The following ZPBP variants were observed in gnomAD, a reference collection of about 807,000 sequenced individuals.
The protein encoded by ZPBP is zona pellucida-binding protein 1.
In ZPBP, 26 loss-of-function variants were observed where a neutral mutation model predicts 44.8. The ratio of observed to expected loss-of-function variants is 0.58; its 90% CI spans 0.43 to 0.81. The LOEUF (loss-of-function observed/expected upper bound fraction) is 0.81, where lower values mean the gene tolerates loss of function less well. ZPBP is among the 30% of genes least tolerant of loss of function. The pLI is 0.00. For missense variants in ZPBP, 409 were observed against 434.0 expected (o/e 0.94, Z 0.51); for synonymous variants, 174 against 153.2 (o/e 1.14, Z -1.00).
chr7:50,046,991 T>C (rs916471665), intron 4 of ZPBP, among the ~76,000 whole-genome samples: 1 of 152,190 alleles, frequency 6.6e-6, no homozygotes, highest in Non-Finnish European at 1.5e-5. Flanking sequence ...TCATGTCCTT[T>C]GCAGGGACAT....
intron 2 of ZPBP, among the ~76,000 whole-genome samples, chr7:50,087,471 A>G (rs1012910135): frequency 1.3e-5 from 2 of 152,024 alleles, no homozygotes; most frequent in East Asian, 3.8e-4. Context: ...CCCTTTCACA[A>G]TAAAAGAACT....
intron 1 of ZPBP, among the ~76,000 whole-genome samples, chr7:49,908,622 C>A (rs1215518688): frequency 6.6e-6 from 1 of 151,126 alleles, no homozygotes; most frequent in Admixed American, 6.6e-5. Flanking sequence ...GAAGGGCCAC[C>A]CCAGTCAGTA....
chr7:49,871,053 A>T (rs554498846), intron 2 of ZPBP, among the ~76,000 whole-genome samples: 1 of 152,356 alleles, frequency 6.6e-6, no homozygotes, highest in Non-Finnish European at 1.5e-5. Flanking sequence ...AATAAATTGG[A>T]GAATTCAACC....
chr7:49,939,889 C>A (rs1794794088), intron 7 of ZPBP, among the ~76,000 whole-genome samples: 1 of 152,092 alleles, frequency 6.6e-6, no homozygotes, highest in South Asian at 2.1e-4. Flanking sequence ...AACTTTCTGC[C>A]TGTACAACTC....
Position 49,937,634 on chromosome 7 carries a change from G to A in ZPBP, c.962-12C>T. 1.9e-6 allele frequency: 3 copies of A among 1,603,482 alleles called. No individual in the cohort carries two copies. The highest frequency in any genetic ancestry group is 1.7e-6 in the Non-Finnish European group (2 of 1,170,512). ...AGGGCTGCAGATCACTGTGAAAAAA[G>A]AGTAAGTTAATAAGTAGTATTTTCC... On this transcript the variant is annotated splice_polypyrimidine_tract_variant and intron_variant, in intron 7 of 7. Coordinates refer to ENST00000046087, the MANE Select transcript of ZPBP (RefSeq NM_007009.3).
chr7:50,038,071 T>A (rs1799901707), intron 4 of ZPBP, among the ~76,000 whole-genome samples: 1 of 152,134 alleles, frequency 6.6e-6, no homozygotes, highest in South Asian at 2.1e-4. Flanking sequence ...CCCCAATTCA[T>A]GGTGTAAGGG....
chr7:50,047,881 G>A (rs745452936), intron 4 of ZPBP, among the ~76,000 whole-genome samples: 6 of 152,128 alleles, frequency 3.9e-5, no homozygotes, highest in Non-Finnish European at 7.4e-5. Flanking sequence ...GGTGGAGTGC[G>A]CGAGGAAGCA....
chr7:50,017,725 AG>A (rs1288765425), intron 6 of ZPBP, among the ~76,000 whole-genome samples: 1 of 152,140 alleles, frequency 6.6e-6, no homozygotes, highest in African/African-American at 2.4e-5. Flanking sequence ...AATTATAATT[AG>A]GCATAGGAAG....
Position 50,010,908 on chromosome 7 carries a change from C to CAAAAAAAAAAAAAAAA in ZPBP, c.783+7316_783+7331dup, listed in dbSNP as rs71554292. 2.1e-4 allele frequency among the ~76,000 whole-genome samples: 19 copies of CAAAAAAAAAAAAAAAA among 92,424 alleles called. 2 individuals are homozygous for CAAAAAAAAAAAAAAAA. Among genetic ancestry groups the CAAAAAAAAAAAAAAAA allele is most frequent in the East Asian group, 7.1e-4 (2 of 2,822 alleles). The allele number at this position is 92,424 out of a possible 152,430, so 60.6% of individuals were successfully genotyped here. A position where few individuals can be genotyped will look rare whatever the true frequency, so the allele number is the denominator to read the frequency against. Reference sequence around the variant, plus strand: ...CCCACATAGCCAAAGCAAGACCAAGCAAAAAAAAAAAAAAAAAAAACAAAT... The same window carrying CAAAAAAAAAAAAAAAA: ...CCCACATAGCCAAAGCAAGACCAAGCAAAAAAAAAAAAAAAAAAAAAAAAAAAAAAAAAAAACAAAT... On this transcript the variant is annotated intron_variant, in intron 6 of 7. Transcript: ENST00000046087.
chr7:50,051,290 C>G (rs1372883355), intron 4 of ZPBP, among the ~76,000 whole-genome samples: 1 of 152,084 alleles, frequency 6.6e-6, no homozygotes, highest in African/African-American at 2.4e-5. Context: ...ATAACAGATG[C>G]TGTCGAGGTT....
chr7:50,051,603 C>T (rs1312847286), intron 4 of ZPBP, among the ~76,000 whole-genome samples: 2 of 152,072 alleles, frequency 1.3e-5, no homozygotes, highest in African/African-American at 4.8e-5. Flanking sequence ...ATGTGATACA[C>T]ATACACCATG....
In ZPBP at chr7:50,004,285, C is replaced by A. The variant is rs1798213510; in HGVS notation, c.783+13955G>T. ...GATGCTTGCCTCCTTTCCTCCTGCC[C>A]TGGGATGTCAAACTCCAGGTTTTTT... is the stretch of plus-strand genomic sequence containing the variant. On this transcript the variant is annotated intron_variant, in intron 6 of 7. Transcript: ENST00000046087. 4.6e-5 allele frequency among the ~76,000 whole-genome samples: 7 copies of A among 152,122 alleles called. No individual in the cohort carries two copies. In the South Asian group the frequency reaches 1.5e-3, roughly 32 times the overall value.
chr7:50,011,064 CTT>C (rs1798553126), intron 6 of ZPBP, among the ~76,000 whole-genome samples: 1 of 152,008 alleles, frequency 6.6e-6, no homozygotes, highest in African/African-American at 2.4e-5. Context: ...AAGCCAAATA[CTT>C]ACAGTCAACT....
At chr7:49,934,053 T>TA (rs11461329), downstream of ZPBP, among the ~76,000 whole-genome samples, 108,175 of 142,826 alleles carry the variant, frequency 0.76, 40,827 homozygotes, top group East Asian at 0.91. Context: ...AAAGTATAAT[T>TA]AAAAAAAAAA....
intron 5 of ZPBP, among the ~76,000 whole-genome samples, chr7:50,022,727 G>A (rs1029836894): frequency 7.9e-5 from 12 of 152,052 alleles, no homozygotes; most frequent in Non-Finnish European, 1.5e-4. Flanking sequence ...GAAAATTGAG[G>A]TCACTGGGAA....
chr7:49,994,404 T>C (rs544117871), intron 6 of ZPBP, among the ~76,000 whole-genome samples: 1 of 152,296 alleles, frequency 6.6e-6, no homozygotes, highest in Admixed American at 6.5e-5. Flanking sequence ...AACATGGGCA[T>C]TTGAGCCACT....
chr7:49,846,767 A>C (rs528302978), downstream of ZPBP, among the ~76,000 whole-genome samples: 10 of 152,322 alleles, frequency 6.6e-5, no homozygotes, highest in African/African-American at 2.4e-4. Flanking sequence ...TAATTTCCTG[A>C]TATAGGAATG....
At chr7:49,934,695 C>A (rs1223109924), downstream of ZPBP, among the ~76,000 whole-genome samples, 1 of 152,036 alleles carries the variant, frequency 6.6e-6, no homozygotes, top group African/African-American at 2.4e-5. Context: ...ATATATAATA[C>A]AGAAATTAAT....
chr7:49,972,220 C>T (rs1055235102), intron 7 of ZPBP, among the ~76,000 whole-genome samples: 2 of 151,074 alleles, frequency 1.3e-5, no homozygotes, highest in African/African-American at 4.9e-5. Flanking sequence ...TTATATTTAA[C>T]ATAATATTGA....
Sources: gnomAD v4.1 joint callset for allele counts (sites outside exome capture counted in the v4.1 genomes callset) on GRCh38, gnomAD v4.1.1 for gene constraint, MANE v1.5 for transcripts, NCBI Gene and HGNC (gene_info 2026-07-23, HGNC 2026-07-21) for gene names.